The following NKAIN2 variants were observed in gnomAD, a reference collection of about 807,000 sequenced individuals.
The protein encoded by NKAIN2 is sodium/potassium transporting ATPase interacting 2.
In NKAIN2, 14 loss-of-function variants were observed where a neutral mutation model predicts 32.6. The observed-to-expected ratio is 0.43, with a 90% CI of 0.28 to 0.67. The LOEUF (loss-of-function observed/expected upper bound fraction) is 0.67, where lower values mean the gene tolerates loss of function less well. Among genes scored for constraint, NKAIN2 ranks in the 30% least tolerant of loss-of-function variants. NKAIN2 has a pLI of 0.17. For synonymous variants in NKAIN2, 80 were observed against 87.2 expected, an observed-to-expected ratio of 0.92 and a Z score of 0.46; for missense variants, 198 against 258.3, an observed-to-expected ratio of 0.77 and a Z score of 1.60.
At chr6:124,364,530 C>T (rs1799436425) in intron 3 of NKAIN2, among the ~76,000 whole-genome samples, 1 of 151,306 alleles carries the variant, frequency 6.6e-6, no homozygotes, top group Non-Finnish European at 1.5e-5. Flanking sequence ...GATAAAAGAC[C>T]CAAAGGAACA....
intron 1 of NKAIN2, among the ~76,000 whole-genome samples, chr6:124,059,994 G>A (rs1782849677): frequency 6.6e-6 from 1 of 152,040 alleles, no homozygotes; most frequent in African/African-American, 2.4e-5. Flanking sequence ...CAATTTTTTT[G>A]TCTATGAGTG....
chr6:124,392,382 T>C (rs1773180518), intron 3 of NKAIN2, among the ~76,000 whole-genome samples: 1 of 152,192 alleles, frequency 6.6e-6, no homozygotes, highest in African/African-American at 2.4e-5. Flanking sequence ...CGTTTTTCAC[T>C]TCCTCCATTA....
intron 3 of NKAIN2, among the ~76,000 whole-genome samples, chr6:124,445,622 T>G (rs1043595884): frequency 5.3e-5 from 8 of 152,142 alleles, no homozygotes; most frequent in African/African-American, 1.9e-4. Context: ...AACAACACTT[T>G]GTTTGTGATT....
chr6:124,758,752 A>T (rs1400390615), intron 4 of NKAIN2, among the ~76,000 whole-genome samples: 1 of 152,172 alleles, frequency 6.6e-6, no homozygotes, highest in Non-Finnish European at 1.5e-5. Context: ...CTCATTGTCC[A>T]TTGAATGAAC....
intron 3 of NKAIN2, among the ~76,000 whole-genome samples, chr6:124,530,394 G>T (rs1357511940): frequency 1.3e-5 from 2 of 152,156 alleles, no homozygotes; most frequent in Non-Finnish European, 2.9e-5. Context: ...ACATCGATTA[G>T]GTTGAGACGG....
At chr6:124,281,947 G>A (rs965294692) in intron 1 of NKAIN2, among the ~76,000 whole-genome samples, 4 of 152,122 alleles carry the variant, frequency 2.6e-5, no homozygotes, top group Non-Finnish European at 5.9e-5. Context: ...ATAAAATATT[G>A]AATCTTGGTA....
chr6:123,956,760 T>C (rs902120410), intron 1 of NKAIN2, among the ~76,000 whole-genome samples: 1 of 152,102 alleles, frequency 6.6e-6, no homozygotes, highest in East Asian at 1.9e-4. Context: ...AAGTTACAAG[T>C]TGCGTTAGGA....
At chr6:124,456,798 C>T (rs1433107973) in intron 3 of NKAIN2, among the ~76,000 whole-genome samples, 1 of 151,660 alleles carries the variant, frequency 6.6e-6, no homozygotes, top group Non-Finnish European at 1.5e-5. Flanking sequence ...TTTATTTTTA[C>T]TAAAACTTGT....
chr6:124,745,368 T>G (rs1159233276), intron 4 of NKAIN2, among the ~76,000 whole-genome samples: 1 of 151,902 alleles, frequency 6.6e-6, no homozygotes, highest in Non-Finnish European at 1.5e-5. Context: ...TTTTACCGTC[T>G]AATATGACAG....
intron 1 of NKAIN2, among the ~76,000 whole-genome samples, chr6:124,261,816 C>T (rs79502581): frequency 0.011 from 1,635 of 150,650 alleles, 14 homozygotes; most frequent in Non-Finnish European, 0.018. Context: ...GCCAAGATCA[C>T]GCCACTGCAA....
chr6:123,956,119 A>G (rs183237781), intron 1 of NKAIN2, among the ~76,000 whole-genome samples: 8 of 152,166 alleles, frequency 5.3e-5, no homozygotes, highest in Admixed American at 4.6e-4. Flanking sequence ...ACGTAATTAC[A>G]TGTAAAATGC....
intron 1 of NKAIN2, among the ~76,000 whole-genome samples, chr6:124,258,111 C>T (rs1422324497): frequency 1.3e-5 from 2 of 149,790 alleles, no homozygotes; most frequent in Non-Finnish European, 3.0e-5. Flanking sequence ...GCATATGAAG[C>T]AGATGCTATT....
At chr6:124,622,094 A>C (rs557186) in intron 3 of NKAIN2, among the ~76,000 whole-genome samples, 30,084 of 152,156 alleles carry the variant, frequency 0.2, 3,243 homozygotes, top group African/African-American at 0.29. Context: ...AGTTCAAACC[A>C]AGGTATGTGC....
At chr6:124,417,151 G>C (rs1215002666) in intron 3 of NKAIN2, among the ~76,000 whole-genome samples, 2 of 152,340 alleles carry the variant, frequency 1.3e-5, no homozygotes, top group Non-Finnish European at 2.9e-5. Context: ...GAGGACAGCT[G>C]TTAAATGATT....
intron 1 of NKAIN2, among the ~76,000 whole-genome samples, chr6:124,041,013 A>C (rs957186129): frequency 6.6e-6 from 1 of 151,916 alleles, no homozygotes; most frequent in African/African-American, 2.4e-5. Flanking sequence ...CCAGTTTGCT[A>C]TTTTTGTACA....
chr6:124,724,544 C>T (rs565074981), intron 4 of NKAIN2, among the ~76,000 whole-genome samples: 2 of 152,284 alleles, frequency 1.3e-5, no homozygotes, highest in East Asian at 3.9e-4. Flanking sequence ...ACAATTCACA[C>T]AGGTAAGATA....
chr6:124,018,472 A>C (rs1780696975), intron 1 of NKAIN2, among the ~76,000 whole-genome samples: 1 of 152,128 alleles, frequency 6.6e-6, no homozygotes, highest in African/African-American at 2.4e-5. Context: ...TAAACTTTTC[A>C]AACTTGTATG....
At chr6:124,771,875 T>C (rs1264081162) in intron 4 of NKAIN2, among the ~76,000 whole-genome samples, 1 of 152,138 alleles carries the variant, frequency 6.6e-6, no homozygotes, top group South Asian at 2.1e-4. Context: ...TTCTCCTTCA[T>C]GCAACAGCAG....
chr6:124,247,039 T>G (rs2114795639), intron 1 of NKAIN2, among the ~76,000 whole-genome samples: 1 of 152,112 alleles, frequency 6.6e-6, no homozygotes, highest in East Asian at 1.9e-4. Flanking sequence ...TTTCTACATT[T>G]CAGAACCAGC....
Sources: gnomAD v4.1 joint callset for allele counts (sites outside exome capture counted in the v4.1 genomes callset) on GRCh38, gnomAD v4.1.1 for gene constraint, MANE v1.5 for transcripts, NCBI Gene and HGNC (gene_info 2026-07-23, HGNC 2026-07-21) for gene names.